The following CD8A variants were observed in gnomAD, a reference collection of about 807,000 sequenced individuals.
The protein encoded by CD8A is T-cell surface glycoprotein CD8 alpha chain.
A neutral mutation model predicts 24.2 loss-of-function variants in CD8A; 25 were observed. The ratio of observed to expected loss-of-function variants is 1.03; its 90% CI spans 0.75 to 1.44. The LOEUF (loss-of-function observed/expected upper bound fraction) is 1.44. CD8A is among the 40% of genes most tolerant of loss of function. The pLI, the probability that CD8A is intolerant of heterozygous loss-of-function variation, is 0.00. For synonymous variants in CD8A, 165 were observed against 149.9 expected, an observed-to-expected ratio of 1.10 and a Z score of -0.74; for missense variants, 360 against 319.7, an observed-to-expected ratio of 1.13 and a Z score of -0.96.
Position 86,789,688 on chromosome 2 carries a change from G to T in CD8A, c.466C>A (p.Pro156Thr), listed in dbSNP as rs1252289600. 12 of 1,421,050 alleles carry T rather than the reference G, an allele frequency of 8.4e-6. No homozygotes were observed. The highest frequency in any genetic ancestry group is 2.9e-5 in the East Asian group (1 of 35,016). 88.0% of individuals were successfully genotyped at this position (1,421,050 alleles called of 1,614,324 possible). A position where few individuals can be genotyped will look rare whatever the true frequency, so the allele number is the denominator to read the frequency against. Residue 156 changes from proline to threonine, a missense_variant, in exon 3 of 6, where the codon CCC becomes ACC. Coordinates refer to ENST00000283635, the MANE Select transcript of CD8A (RefSeq NM_001768.7). ...CACGCCTCTGGGCGCAGGGACAGGG[G>T]CTGCGACGCGATGGTGGGCGCCGGT... ...PTPAPTIASQ[P>T]LSLRPEACRP...
chr2:86,798,099 A>G (rs556496023), intron 3 of CD8A, among the ~76,000 whole-genome samples: 5 of 152,160 alleles, frequency 3.3e-5, no homozygotes, highest in African/African-American at 9.6e-5. Flanking sequence ...TCATTATGAA[A>G]TGTTCGTCTT....
intron 2 of CD8A, among the ~76,000 whole-genome samples, chr2:86,804,331 A>G (rs1313205352): frequency 2.0e-5 from 3 of 152,242 alleles, no homozygotes; most frequent in Non-Finnish European, 4.4e-5. Context: ...GTCACAAAAA[A>G]CCAAATACTG....
intron 5 of CD8A, among the ~76,000 whole-genome samples, chr2:86,787,036 A>G (rs1301612556): frequency 2.1e-5 from 3 of 141,080 alleles, no homozygotes; most frequent in African/African-American, 5.2e-5. Context: ...AAAAAAAAAA[A>G]AAAAGAAAAG....
At chr2:86,806,851 C>T (rs1445300983) in intron 2 of CD8A, among the ~76,000 whole-genome samples, 1 of 152,108 alleles carries the variant, frequency 6.6e-6, no homozygotes, top group Non-Finnish European at 1.5e-5. Context: ...AGGCCAGCAC[C>T]CAAAAGAATT....
chr2:86,789,610 G>T, intron 3 of CD8A, 30 bp downstream of exon 3: 1 of 1,443,364 alleles, frequency 6.9e-7, no homozygotes, highest in Non-Finnish European at 9.3e-7. Flanking sequence ...GGTGCGTGCC[G>T]CCCCCGCCCC....
chr2:86,789,787 G>A (rs897314553), intron 2 of CD8A, 37 bp from the exon 3 acceptor site: 2 of 1,243,300 alleles, frequency 1.6e-6, no homozygotes, highest in African/African-American at 1.6e-5. Flanking sequence ...GGGCCAGGCT[G>A]GGGTTATGGA....
At chr2:86,806,797 A>T (rs1673919031) in intron 2 of CD8A, among the ~76,000 whole-genome samples, 1 of 152,198 alleles carries the variant, frequency 6.6e-6, no homozygotes, top group African/African-American at 2.4e-5. Flanking sequence ...AAAACATGGG[A>T]GTGAAAAGCT....
In CD8A at chr2:86,789,397, T is replaced by C. The variant is rs771963865; in HGVS notation, c.551A>G (p.Tyr184Cys). The part of the protein sequence containing the change: ...TRGLDFACDI[Y>C]IWAPLAGTCG... ...AGTCCCGGCCAAGGGCGCCCAGATG[T>C]AGATATCACAGGCGAAGTCCAGCCC... is the stretch of plus-strand genomic sequence containing the variant. Residue 184 changes from tyrosine to cysteine, a missense_variant, in exon 4 of 6, where the codon TAC becomes TGC. Physicochemically the swap from Tyr to Cys is radical, Grantham distance 194. Transcript: ENST00000283635. The C allele has an allele frequency of 3.1e-6, 5 of 1,613,890 alleles. No individual in the cohort carries two copies. In the South Asian group the frequency reaches 5.5e-5, roughly 18 times the overall value.
Position 86,790,591 on chromosome 2 carries a change from A to C in CD8A, c.140T>G (p.Leu47Arg). 6.2e-7 allele frequency: 1 copy of C among 1,611,630 alleles called. No individual in the cohort carries two copies. Among genetic ancestry groups the C allele is most frequent in the Non-Finnish European group, 8.5e-7 (1 of 1,179,778 alleles). Residue 47 changes from leucine to arginine, a missense_variant, in exon 2 of 6, where the codon CTG becomes CGG. Coordinates refer to ENST00000283635, the MANE Select transcript of CD8A (RefSeq NM_001768.7). ...CGAGCAGCCCGACGTCGGGTTGGAC[A>C]GCAGCACCTGGCACTTCAGCTCCAC... ...ETVELKCQVLLSNPTSGCSWL... is the reference protein window; with the variant it reads ...ETVELKCQVLRSNPTSGCSWL...
intron 2 of CD8A, among the ~76,000 whole-genome samples, chr2:86,803,842 C>A (rs1369904176): frequency 1.3e-5 from 2 of 152,152 alleles, no homozygotes; most frequent in Non-Finnish European, 2.9e-5. Context: ...AGCTACCATG[C>A]CTGGCCTGTG....
At position 86,785,796 on chromosome 2, in the gene CD8A, A is replaced by C; in HGVS notation, c.*124T>G. ...AAGTAATCTTTCCCACCCCGCCCCC[A>C]CTAAAATAATAATCATGAGAATGAA... On this transcript the variant is annotated 3_prime_UTR_variant, in exon 6 of 6. Transcript: ENST00000283635. The C allele has an allele frequency of 1.2e-6, 1 of 817,384 alleles. No individual in the cohort carries two copies. 50.6% of individuals were successfully genotyped at this position (817,384 alleles called of 1,614,324 possible).
At chr2:86,796,898 CTGTTT>C in intron 3 of CD8A, among the ~76,000 whole-genome samples, 1 of 152,168 alleles carries the variant, frequency 6.6e-6, no homozygotes, top group Non-Finnish European at 1.5e-5. Context: ...TCCCAACTTC[CTGTTT>C]TCCCACACAT....
exon 2 of CD8A, chr2:86,807,488 T>C (rs1220775590): frequency 6.6e-6 from 1 of 152,326 alleles, no homozygotes; most frequent in Non-Finnish European, 1.5e-5. Context: ...TGCTGTGCAA[T>C]GGATAGGAGC....
chr2:86,797,770 ATT>A (rs1193773676), intron 3 of CD8A, among the ~76,000 whole-genome samples: 1 of 152,164 alleles, frequency 6.6e-6, no homozygotes, highest in Non-Finnish European at 1.5e-5. Context: ...AAGTGTTAGC[ATT>A]TTGTCGCATT....
At chr2:86,796,347 G>C (rs1673483575) in intron 3 of CD8A, among the ~76,000 whole-genome samples, 1 of 152,200 alleles carries the variant, frequency 6.6e-6, no homozygotes, top group Non-Finnish European at 1.5e-5. Context: ...AACATTCTCA[G>C]ATCAAAAATA....
chr2:86,785,135 C>A lies in CD8A; in HGVS notation c.*785G>T, dbSNP rs1039748632. On this transcript the variant is annotated 3_prime_UTR_variant, in exon 6 of 6. Coordinates refer to ENST00000283635, the MANE Select transcript of CD8A (RefSeq NM_001768.7). ...CTGTCCTCTTTCATGGGCCCCTCTGCAATGCAAGGGCTGGGAGAGCAATTC... is the reference window on the plus strand; with the variant it reads ...CTGTCCTCTTTCATGGGCCCCTCTGAAATGCAAGGGCTGGGAGAGCAATTC... The A allele has an allele frequency of 2.2e-6, 1 of 453,944 alleles. No homozygotes were observed. The highest frequency in any genetic ancestry group is 2.3e-5 in the Admixed American group (1 of 42,556). 28.1% of individuals were successfully genotyped at this position (453,944 alleles called of 1,614,324 possible).
chr2:86,787,079 C>CCA (rs1381988035), intron 5 of CD8A, among the ~76,000 whole-genome samples: 2 of 119,734 alleles, frequency 1.7e-5, no homozygotes, highest in Non-Finnish European at 3.4e-5. Flanking sequence ...CTTCCCCCCC[C>CCA]ACTTTTTTTT....
intron 3 of CD8A, among the ~76,000 whole-genome samples, chr2:86,800,480 A>G (rs71411869): frequency 0.21 from 32,567 of 151,860 alleles, 3,688 homozygotes; most frequent in Non-Finnish European, 0.25. Context: ...AAAGATAAAA[A>G]CATTATATCA....
At chr2:86,799,907 T>C (rs1673610081) in intron 3 of CD8A, among the ~76,000 whole-genome samples, 1 of 151,926 alleles carries the variant, frequency 6.6e-6, no homozygotes, top group Non-Finnish European at 1.5e-5. Flanking sequence ...CATATTAACG[T>C]GTTCATTATG....
Sources: gnomAD v4.1 joint callset for allele counts (sites outside exome capture counted in the v4.1 genomes callset) on GRCh38, gnomAD v4.1.1 for gene constraint, MANE v1.5 for transcripts, NCBI Gene and HGNC (gene_info 2026-07-23, HGNC 2026-07-21) for gene names.